The following CDC42BPA variants were observed in gnomAD, a reference collection of about 807,000 sequenced individuals.
The protein encoded by CDC42BPA is CDC42 binding protein kinase alpha, also known as serine/threonine-protein kinase MRCK alpha.
A neutral mutation model predicts 223.5 loss-of-function variants in CDC42BPA; 80 were observed. That is an observed-to-expected ratio of 0.36 (90% CI 0.30 to 0.43). The LOEUF is 0.43. Ranked by LOEUF, CDC42BPA falls within the 20% of genes least tolerant of loss-of-function variation. The pLI is 1.00. For missense variants in CDC42BPA, 1,743 were observed against 2,099.9 expected (o/e 0.83, Z 3.32); for synonymous variants, 694 against 718.6 (o/e 0.97, Z 0.55).
chr1:227,151,488 A>G (rs2149722295), intron 6 of CDC42BPA, among the ~76,000 whole-genome samples: 1 of 152,300 alleles, frequency 6.6e-6, no homozygotes, highest in African/African-American at 2.4e-5. Flanking sequence ...TCTTTTGGGT[A>G]TATACCCAGA....
chr1:227,159,825 CT>C (rs1158920718), intron 6 of CDC42BPA, among the ~76,000 whole-genome samples: 1 of 151,448 alleles, frequency 6.6e-6, no homozygotes, highest in African/African-American at 2.4e-5. Flanking sequence ...CATGCCCAGC[CT>C]TTTTTTTCTG....
intron 30 of CDC42BPA, among the ~76,000 whole-genome samples, chr1:227,027,031 G>T (rs911276513): frequency 6.6e-6 from 1 of 152,126 alleles, no homozygotes; most frequent in Non-Finnish European, 1.5e-5. Flanking sequence ...GGCCTCAAGC[G>T]ATCCTCCTGC....
intron 2 of CDC42BPA, among the ~76,000 whole-genome samples, chr1:227,222,491 T>C (rs1388497282): frequency 1.3e-5 from 2 of 152,062 alleles, no homozygotes; most frequent in South Asian, 2.1e-4. Flanking sequence ...ACAGCGAGAC[T>C]CTGTCTCAAA....
At chr1:227,308,098 T>A (rs185051674) in intron 1 of CDC42BPA, among the ~76,000 whole-genome samples, 1 of 152,330 alleles carries the variant, frequency 6.6e-6, no homozygotes, top group African/African-American at 2.4e-5. Context: ...AAGATACAAA[T>A]GTATGTTAAT....
intron 32 of CDC42BPA, among the ~76,000 whole-genome samples, chr1:227,023,029 A>T (rs1322858596): frequency 1.3e-5 from 2 of 152,232 alleles, no homozygotes; most frequent in African/African-American, 4.8e-5. Flanking sequence ...CAGAAAAATA[A>T]CAAGGTACAT....
At chr1:227,255,766 T>A (rs753412205) in intron 1 of CDC42BPA, among the ~76,000 whole-genome samples, 3 of 152,186 alleles carry the variant, frequency 2.0e-5, no homozygotes, top group Non-Finnish European at 4.4e-5. Context: ...GACTTGTACA[T>A]TGGAAACTAC....
chr1:227,283,526 T>TA, intron 1 of CDC42BPA, among the ~76,000 whole-genome samples: 1 of 152,294 alleles, frequency 6.6e-6, no homozygotes, highest in Middle Eastern at 3.4e-3. Flanking sequence ...GTTTATGCTA[T>TA]AATTATATTT....
chr1:227,165,290 T>C (rs987402320), intron 5 of CDC42BPA, among the ~76,000 whole-genome samples: 5 of 152,166 alleles, frequency 3.3e-5, no homozygotes, highest in African/African-American at 9.7e-5. Context: ...TTTTCAAAGA[T>C]GGAGAACATA....
chr1:227,161,128 C>T (rs1376964934), intron 5 of CDC42BPA, among the ~76,000 whole-genome samples: 1 of 152,140 alleles, frequency 6.6e-6, no homozygotes, highest in African/African-American at 2.4e-5. Context: ...TACAGAAGAA[C>T]TAAAACAACT....
intron 16 of CDC42BPA, among the ~76,000 whole-genome samples, chr1:227,081,647 T>A (rs1356236353): frequency 2.0e-5 from 3 of 151,936 alleles, no homozygotes; most frequent in African/African-American, 7.3e-5. Flanking sequence ...AGAGATGGGG[T>A]TTCACCATGT....
rs186973012 is a variant in CDC42BPA at position 227,091,334 on chromosome 1, G to T, written c.2355+552C>A. 2.0e-5 allele frequency among the ~76,000 whole-genome samples: 3 copies of T among 152,282 alleles called. 1 individual carries two copies. Among genetic ancestry groups the T allele is most frequent in the Admixed American group, 2.0e-4 (3 of 15,298 alleles). On this transcript the variant is annotated intron_variant, in intron 16 of 36. Transcript: ENST00000366766. ...GCCTGGGGGGAGGTGACTGGATCAG[G>T]AGGGCAGGCCCCTCATGAATGGTTT...
intron 2 of CDC42BPA, among the ~76,000 whole-genome samples, chr1:227,253,607 A>AATACATACATACATAC (rs1553419178): frequency 2.6e-5 from 3 of 116,546 alleles, no homozygotes; most frequent in South Asian, 2.3e-4. Context: ...AAAATAAATA[A>AATACATACATACATAC]ATACATACAT....
intron 28 of CDC42BPA, among the ~76,000 whole-genome samples, chr1:227,030,705 T>C (rs1297337239): frequency 1.3e-5 from 2 of 152,208 alleles, no homozygotes; most frequent in Non-Finnish European, 2.9e-5. Context: ...GTTTAATAAA[T>C]GATGAAACAA....
chr1:227,121,846 G>C (rs137937671), intron 11 of CDC42BPA, among the ~76,000 whole-genome samples: 2,756 of 149,248 alleles, frequency 0.018, 33 homozygotes, highest in Middle Eastern at 0.028. Flanking sequence ...TATCACCCAG[G>C]CTGGAGAGCT....
rs572108521 is a variant in CDC42BPA at position 227,145,058 on chromosome 1, T to G, written c.1143+431A>C. ...CTTTAAACTAAAGTTCAGCAGTTTT[T>G]CACAAATAAATGCTTCTCAATTTAT... is the stretch of plus-strand genomic sequence containing the variant. On this transcript the variant is annotated intron_variant, in intron 8 of 36. Transcript: ENST00000366766. Among the ~76,000 whole-genome samples the G allele has an allele frequency of 6.6e-5, 10 of 152,228 alleles. No individual in the cohort carries two copies. In the East Asian group the frequency reaches 1.9e-3, roughly 29 times the overall value.
At position 226,994,446 on chromosome 1, in the gene CDC42BPA, G is replaced by A. The variant is rs1661170042; in HGVS notation, c.5134-47C>T. The A allele has an allele frequency of 1.0e-5, 15 of 1,455,868 alleles. No homozygotes were observed. Among genetic ancestry groups the A allele is most frequent in the Non-Finnish European group, 1.3e-5 (14 of 1,099,078 alleles). The allele number at this position is 1,455,868 out of a possible 1,614,324, so 90.2% of individuals were successfully genotyped here. A position where few individuals can be genotyped will look rare whatever the true frequency, so the allele number is the denominator to read the frequency against. On this transcript the variant is annotated intron_variant, in intron 36 of 36. Coordinates refer to ENST00000366766, the MANE Select transcript of CDC42BPA (RefSeq NM_001394014.1). The surrounding 1 kb of genome is among the most constrained non-coding windows in gnomAD (Gnocchi z 4.0). ...ATTAATGAGAAGGAGGGGGAGAAAG[G>A]GAGGCAGAAGGGGCTCAGATTACCA...
intron 35 of CDC42BPA, among the ~76,000 whole-genome samples, chr1:226,996,652 ATTGAG>A (rs1267564940): frequency 1.3e-5 from 2 of 152,146 alleles, no homozygotes; most frequent in Non-Finnish European, 2.9e-5. Context: ...TACCTAGTTT[ATTGAG>A]TTTTTAGTAT....
chr1:227,283,887 G>C (rs978330723), intron 1 of CDC42BPA, among the ~76,000 whole-genome samples: 1 of 152,092 alleles, frequency 6.6e-6, no homozygotes, highest in Admixed American at 6.6e-5. Context: ...ATTTTGCCAT[G>C]TTGGCCGGGA....
rs1448276801 is a variant in CDC42BPA, at chr1:226,991,132, T to C, written c.*3136A>G. 1.3e-5 allele frequency: 2 copies of C among 152,608 alleles called. No homozygotes were observed. The highest frequency in any genetic ancestry group is 2.9e-5 in the Non-Finnish European group (2 of 68,034). The allele number at this position is 152,608 out of a possible 1,614,324, so 9.5% of individuals were successfully genotyped here. A position where few individuals can be genotyped will look rare whatever the true frequency, so the allele number is the denominator to read the frequency against. ...ATTTTAAATACCCAAAGCACAAACA[T>C]GATTAGTCAGAATTTGAGGGTAGAT... On this transcript the variant is annotated 3_prime_UTR_variant, in exon 37 of 37. Transcript: ENST00000366766.
Sources: allele counts gnomAD v4.1 joint callset (sites outside exome capture counted in the v4.1 genomes callset), GRCh38; gene constraint gnomAD v4.1.1; non-coding constraint Gnocchi (gnomAD v3.1); transcripts MANE v1.5; gene names NCBI Gene and HGNC (gene_info 2026-07-23, HGNC 2026-07-21).